PTGER3: variants seen among roughly 807,000 people sequenced by gnomAD.
The protein encoded by PTGER3 is prostaglandin E2 receptor EP3 subtype.
A neutral mutation model predicts 34.7 loss-of-function variants in PTGER3; 22 were observed. The ratio of observed to expected loss-of-function variants is 0.63; its 90% CI spans 0.45 to 0.91. The LOEUF (loss-of-function observed/expected upper bound fraction) is 0.91. Ranked by LOEUF, PTGER3 falls within the 40% of genes least tolerant of loss-of-function variation. The probability of loss-of-function intolerance (pLI) is 0.00; values close to 1 mark genes in which losing one functional copy is unlikely to be tolerated. For synonymous variants in PTGER3, 241 were observed against 230.1 expected, an observed-to-expected ratio of 1.05 and a Z score of -0.43; for missense variants, 468 against 519.4, an observed-to-expected ratio of 0.90 and a Z score of 0.96.
chr1:71,047,096 GC>G lies in PTGER3; in HGVS notation c.481del (p.Ala161ArgfsTer9). On this transcript the variant is annotated frameshift_variant, in exon 1 of 4. Transcript: ENST00000306666. LOFTEE classifies it high-confidence loss of function. ...MAVERALAIR[A>X]PHWYASHMKT... is the part of the protein sequence containing the mutation. Reference sequence around the variant, plus strand: ...CATGTGGCTCGCATACCAGTGCGGCGCCCTGATGGCCAGCGCCCGCTCGACG... The same window carrying G: ...CATGTGGCTCGCATACCAGTGCGGCGCCTGATGGCCAGCGCCCGCTCGACG... 1 of 1,607,636 alleles carries G rather than the reference GC, an allele frequency of 6.2e-7. No individual in the cohort carries two copies. The highest frequency in any genetic ancestry group is 8.5e-7 in the Non-Finnish European group (1 of 1,177,564).
chr1:70,962,978 A>T (rs1421981663), intron 2 of PTGER3, among the ~76,000 whole-genome samples: 1 of 152,216 alleles, frequency 6.6e-6, no homozygotes, highest in Admixed American at 6.5e-5. Context: ...TACTGCCTAG[A>T]TACAATGGGG....
chr1:71,031,688 T>C (rs1436214648), intron 1 of PTGER3, among the ~76,000 whole-genome samples: 2 of 152,220 alleles, frequency 1.3e-5, no homozygotes, highest in Admixed American at 1.3e-4. Context: ...AAGAACATCC[T>C]GGGTCTTGCC....
At chr1:70,981,331 CTT>C (rs1654278943) in intron 2 of PTGER3, among the ~76,000 whole-genome samples, 2 of 49,308 alleles carry the variant, frequency 4.1e-5, no homozygotes, top group Non-Finnish European at 7.8e-5. Context: ...TTCTTTCTTT[CTT>C]TCTTTCTTTC....
chr1:70,896,897 C>T (rs1194608327), intron 4 of PTGER3, among the ~76,000 whole-genome samples: 1 of 152,134 alleles, frequency 6.6e-6, no homozygotes, highest in Non-Finnish European at 1.5e-5. Context: ...AAATATCCCA[C>T]AATATGGCTT....
At chr1:70,973,228 TAGATAGATAGATA>T (rs1653306685) in intron 3 of PTGER3, among the ~76,000 whole-genome samples, 1 of 56,394 alleles carries the variant, frequency 1.8e-5, no homozygotes, top group African/African-American at 6.1e-5. Context: ...AGATGATAGA[TAGATAGATAGATA>T]GATAGATAGA....
At chr1:70,939,175 G>A (rs1418965427) in intron 4 of PTGER3, among the ~76,000 whole-genome samples, 1 of 152,132 alleles carries the variant, frequency 6.6e-6, no homozygotes, top group African/African-American at 2.4e-5. Flanking sequence ...AATCCAGTGG[G>A]GCAGTCACAT....
chr1:70,952,310 G>A, downstream of PTGER3: 11 of 598,784 alleles, frequency 1.8e-5, no homozygotes, highest in South Asian at 7.4e-5. Flanking sequence ...ACTTCGTGAT[G>A]GGGTTATGAA....
intron 4 of PTGER3, among the ~76,000 whole-genome samples, chr1:70,873,650 C>CTTT (rs749236688): frequency 1.5e-5 from 2 of 135,606 alleles, no homozygotes; most frequent in African/African-American, 5.3e-5. Flanking sequence ...ATGTGAGGTG[C>CTTT]TTTTTTTTTT....
intron 4 of PTGER3, among the ~76,000 whole-genome samples, chr1:70,891,425 A>G (rs1455935370): frequency 6.6e-6 from 1 of 152,214 alleles, no homozygotes; most frequent in Non-Finnish European, 1.5e-5. Context: ...ATTTCAATGA[A>G]CTTTAAAGGC....
chr1:70,939,679 A>T (rs1015138011), intron 4 of PTGER3, among the ~76,000 whole-genome samples: 1 of 152,196 alleles, frequency 6.6e-6, no homozygotes, highest in African/African-American at 2.4e-5. Flanking sequence ...CACCCTCTGA[A>T]GCCACAGACT....
chr1:70,942,159 T>A (rs1649817384), intron 4 of PTGER3, among the ~76,000 whole-genome samples: 1 of 152,124 alleles, frequency 6.6e-6, no homozygotes, highest in South Asian at 2.1e-4. Context: ...TGCCACTTAC[T>A]GGTTCAGACC....
chr1:71,006,379 T>C (rs1275183678), intron 2 of PTGER3: 1 of 985,310 alleles, frequency 1.0e-6, no homozygotes, highest in African/African-American at 1.7e-5. Flanking sequence ...CCTCAATAAG[T>C]ACATGAACAA....
At chr1:71,024,645 C>CTTTTTTTTTTTTTTTTTTTTTTT (rs35271200) in intron 1 of PTGER3, among the ~76,000 whole-genome samples, 2 of 117,164 alleles carry the variant, frequency 1.7e-5, no homozygotes, top group Non-Finnish European at 3.4e-5. Flanking sequence ...CCTTTTCTTT[C>CTTTTTTTTTTTTTTTTTTTTTTT]TTTTTTTTTT....
chr1:70,956,188 T>C (rs531391948), intron 2 of PTGER3, among the ~76,000 whole-genome samples: 3 of 152,308 alleles, frequency 2.0e-5, no homozygotes, highest in Non-Finnish European at 2.9e-5. Flanking sequence ...ATGATTTGTA[T>C]ATACTCTAAG....
In PTGER3 at chr1:71,016,575, G is replaced by T. The variant is rs371409990; in HGVS notation, c.898-4091C>A. Among the ~76,000 whole-genome samples, 7 of 152,124 alleles carry T rather than the reference G, an allele frequency of 4.6e-5. No individual in the cohort carries two copies. In the East Asian group the frequency reaches 1.3e-3, roughly 29 times the overall value. ...CCCAGCACTTTGGGAGGTCGAGGCAGATGGATCCCCTGAACCCAGCAGTTC... is the reference window on the plus strand; with the variant it reads ...CCCAGCACTTTGGGAGGTCGAGGCATATGGATCCCCTGAACCCAGCAGTTC... On this transcript the variant is annotated intron_variant, in intron 1 of 3. Transcript: ENST00000306666.
chr1:70,878,600 G>A (rs1646321560), intron 4 of PTGER3, among the ~76,000 whole-genome samples: 1 of 152,046 alleles, frequency 6.6e-6, no homozygotes, highest in Non-Finnish European at 1.5e-5. Flanking sequence ...TTTTATATGA[G>A]CGTTTAATGC....
chr1:70,870,140 C>T (rs769696133), intron 4 of PTGER3, among the ~76,000 whole-genome samples: 1 of 152,186 alleles, frequency 6.6e-6, no homozygotes, highest in Non-Finnish European at 1.5e-5. Context: ...CTCTGTATAC[C>T]TGCAGGCTTA....
intron 1 of PTGER3, among the ~76,000 whole-genome samples, chr1:71,034,277 C>T (rs994851865): frequency 5.9e-5 from 9 of 152,038 alleles, no homozygotes; most frequent in East Asian, 1.9e-4. Flanking sequence ...ACATTTTTAT[C>T]GCTAAATTTT....
Position 70,977,382 on chromosome 1 carries a change from A to G in PTGER3, c.1078-2994T>C, listed in dbSNP as rs563240429. 5.9e-5 allele frequency among the ~76,000 whole-genome samples: 9 copies of G among 152,104 alleles called. No individual in the cohort carries two copies. The East Asian group carries it at 1.7e-3, about 30-fold the overall frequency. On this transcript the variant is annotated intron_variant, in intron 2 of 3. Coordinates refer to ENST00000306666, the MANE Select transcript of PTGER3 (RefSeq NM_198719.2). Reference sequence around the variant, plus strand: ...GGCTGAACACTATGCTAGTTTGTCTACGAGATTCCTTCCAGAATGACCCAG... The same window carrying G: ...GGCTGAACACTATGCTAGTTTGTCTGCGAGATTCCTTCCAGAATGACCCAG...
Sources: allele counts gnomAD v4.1 joint callset (sites outside exome capture counted in the v4.1 genomes callset), GRCh38; gene constraint gnomAD v4.1.1; transcripts MANE v1.5; gene names NCBI Gene and HGNC (gene_info 2026-07-23, HGNC 2026-07-21).